IFT52: variants seen among roughly 807,000 people sequenced by gnomAD.
The protein encoded by IFT52 is intraflagellar transport 52, also known as intraflagellar transport protein 52 homolog.
IFT52 carries 44 observed loss-of-function variants against 54.4 expected under a neutral mutation model. The observed-to-expected ratio is 0.81, with a 90% CI of 0.63 to 1.04. The LOEUF is 1.04. Ranked by LOEUF, IFT52 falls within the 50% of genes least tolerant of loss-of-function variation. IFT52 has a pLI of 0.00. For synonymous variants in IFT52, 181 were observed against 185.3 expected (o/e 0.98, Z 0.19); for missense variants, 452 against 523.6 (o/e 0.86, Z 1.33).
At chr20:43,603,144 A>G (rs1173709897) in intron 3 of IFT52, among the ~76,000 whole-genome samples, 1 of 152,166 alleles carries the variant, frequency 6.6e-6, no homozygotes, top group East Asian at 1.9e-4. Context: ...GACCAGCAAG[A>G]TCAACCCTAG....
At chr20:43,607,919 G>T (rs1466188926) in intron 6 of IFT52, among the ~76,000 whole-genome samples, 2 of 152,212 alleles carry the variant, frequency 1.3e-5, no homozygotes, top group Non-Finnish European at 2.9e-5. Flanking sequence ...CCGAGGCTGG[G>T]GGATCACTCG....
intron 10 of IFT52, among the ~76,000 whole-genome samples, chr20:43,627,174 A>G (rs1208751716): frequency 6.6e-6 from 1 of 152,016 alleles, no homozygotes; most frequent in African/African-American, 2.4e-5. Flanking sequence ...CTCAGAAAAA[A>G]AAAAAAAGAA....
intron 1 of IFT52, among the ~76,000 whole-genome samples, chr20:43,592,939 A>G (rs1227209911): frequency 6.6e-6 from 1 of 152,150 alleles, no homozygotes; most frequent in Non-Finnish European, 1.5e-5. Context: ...TGCTTCTACA[A>G]AAAATTTAAA....
At chr20:43,592,135 A>G (rs981333312) in intron 1 of IFT52, among the ~76,000 whole-genome samples, 1 of 152,122 alleles carries the variant, frequency 6.6e-6, no homozygotes, top group Non-Finnish European at 1.5e-5. Flanking sequence ...CGGGTGGATC[A>G]CTTGAGGTCA....
At chr20:43,607,929 G>A (rs1160396252) in intron 6 of IFT52, among the ~76,000 whole-genome samples, 3 of 152,204 alleles carry the variant, frequency 2.0e-5, no homozygotes, top group Non-Finnish European at 2.9e-5. Context: ...GGGATCACTC[G>A]CGGTTAGGAG....
intron 10 of IFT52, among the ~76,000 whole-genome samples, chr20:43,630,810 A>G (rs183522098): frequency 7.8e-4 from 119 of 152,330 alleles, no homozygotes; most frequent in African/African-American, 2.6e-3. Flanking sequence ...CTTGGTTTTA[A>G]GATGAGTTTC....
chr20:43,637,101 CT>C (rs1391015529), intron 11 of IFT52, 43 bp from the exon 12 acceptor site: 1 of 1,317,542 alleles, frequency 7.6e-7, no homozygotes, highest in Middle Eastern at 2.0e-4. Context: ...TTTCCTTTAC[CT>C]TATCCTCCCT....
intron 10 of IFT52, among the ~76,000 whole-genome samples, chr20:43,626,513 T>C (rs1984734029): frequency 6.6e-6 from 1 of 152,148 alleles, no homozygotes; most frequent in South Asian, 2.1e-4. Flanking sequence ...CCCAAAGTGC[T>C]GGGATTAAAG....
intron 10 of IFT52, among the ~76,000 whole-genome samples, chr20:43,624,757 G>C (rs1443949823): frequency 6.6e-6 from 1 of 152,116 alleles, no homozygotes; most frequent in African/African-American, 2.4e-5. Context: ...AAGCAGAGGG[G>C]TTCAGAAAGG....
intron 3 of IFT52, among the ~76,000 whole-genome samples, chr20:43,599,347 A>C (rs945462313): frequency 2.0e-5 from 3 of 152,130 alleles, no homozygotes; most frequent in African/African-American, 7.2e-5. Context: ...TCCCAAGTGG[A>C]GATGGGTGCC....
chr20:43,630,811 G>C (rs1269545696), intron 10 of IFT52, among the ~76,000 whole-genome samples: 1 of 152,224 alleles, frequency 6.6e-6, no homozygotes, highest in Non-Finnish European at 1.5e-5. Context: ...TTGGTTTTAA[G>C]ATGAGTTTCT....
chr20:43,596,643 C>G, intron 3 of IFT52, 121 bp downstream of exon 3: 1 of 663,396 alleles, frequency 1.5e-6, no homozygotes, highest in Non-Finnish European at 2.7e-6. Context: ...CACTTCATCT[C>G]TCTTTTCATC....
chr20:43,609,039 C>T (rs556965607), intron 6 of IFT52, among the ~76,000 whole-genome samples: 2 of 151,248 alleles, frequency 1.3e-5, no homozygotes, highest in South Asian at 4.2e-4. Context: ...AGTTCAAGAC[C>T]AGTCTGGGCA....
At chr20:43,600,471 A>AT (rs561935733) in intron 3 of IFT52, among the ~76,000 whole-genome samples, 96 of 151,834 alleles carry the variant, frequency 6.3e-4, no homozygotes, top group African/African-American at 2.2e-3. Flanking sequence ...CGCCCGGCTA[A>AT]TTTTTTGTAT....
chr20:43,606,434 C>T (rs1204922666), intron 6 of IFT52, among the ~76,000 whole-genome samples: 2 of 151,752 alleles, frequency 1.3e-5, no homozygotes, highest in Admixed American at 6.6e-5. Context: ...CCACCACACC[C>T]AGCTAATTTC....
At chr20:43,600,133 T>C (rs1248392734) in intron 3 of IFT52, among the ~76,000 whole-genome samples, 1 of 152,196 alleles carries the variant, frequency 6.6e-6, no homozygotes, top group Non-Finnish European at 1.5e-5. Context: ...AACACTTCTT[T>C]ATGTTTGACA....
chr20:43,623,800 A>G, intron 9 of IFT52, 91 bp from the exon 10 acceptor site: 5 of 1,366,126 alleles, frequency 3.7e-6, no homozygotes, highest in South Asian at 1.4e-5. Context: ...GAGAATATAA[A>G]TGTTGCAGAT....
intron 10 of IFT52, among the ~76,000 whole-genome samples, chr20:43,630,809 A>G (rs1202419703): frequency 6.6e-6 from 1 of 152,208 alleles, no homozygotes; most frequent in African/African-American, 2.4e-5. Context: ...CCTTGGTTTT[A>G]AGATGAGTTT....
chr20:43,628,427 C>G (rs181347838), intron 10 of IFT52, among the ~76,000 whole-genome samples: 1 of 152,112 alleles, frequency 6.6e-6, no homozygotes, highest in African/African-American at 2.4e-5. Context: ...AAGGGAAAAT[C>G]GCCTACTCAA....
Sources: allele counts gnomAD v4.1 joint callset (sites outside exome capture counted in the v4.1 genomes callset), GRCh38; gene constraint gnomAD v4.1.1; transcripts MANE v1.5; gene names NCBI Gene and HGNC (gene_info 2026-07-23, HGNC 2026-07-21).